Variants in KCNK2 observed in about 807,000 individuals in gnomAD.
The protein encoded by KCNK2 is potassium two pore domain channel subfamily K member 2.
In KCNK2, 21 loss-of-function variants were observed where a neutral mutation model predicts 40.5. The ratio of observed to expected loss-of-function variants is 0.52; its 90% confidence interval spans 0.37 to 0.75. KCNK2 has a LOEUF of 0.75. KCNK2 is among the 30% of genes least tolerant of loss of function. The probability of loss-of-function intolerance (pLI) is 0.00; values close to 1 mark genes in which losing one functional copy is unlikely to be tolerated. For synonymous variants in KCNK2, 191 were observed against 202.2 expected (o/e 0.94, Z 0.47); for missense variants, 399 against 531.6 (o/e 0.75, Z 2.45).
intron 6 of KCNK2, among the ~76,000 whole-genome samples, chr1:215,214,393 G>T (rs966224724): frequency 6.6e-6 from 1 of 152,060 alleles, no homozygotes; most frequent in Non-Finnish European, 1.5e-5. Flanking sequence ...CTCCCACCAG[G>T]TCCCACCACC....
chr1:215,021,541 T>TG (rs1656788062), intron 1 of KCNK2, among the ~76,000 whole-genome samples: 1 of 36,504 alleles, frequency 2.7e-5, no homozygotes, highest in African/African-American at 7.5e-5. Flanking sequence ...AACCATCTTT[T>TG]TTTTTTTTTT....
chr1:215,090,952 A>G (rs527450276), intron 2 of KCNK2, among the ~76,000 whole-genome samples: 6 of 152,234 alleles, frequency 3.9e-5, no homozygotes, highest in South Asian at 2.1e-4. Context: ...GTTTACCTCA[A>G]TGGTGGGTGT....
intron 1 of KCNK2, among the ~76,000 whole-genome samples, chr1:215,032,301 T>G (rs2102486509): frequency 6.6e-6 from 1 of 152,112 alleles, no homozygotes; most frequent in East Asian, 1.9e-4. Context: ...TCCCAGCTAC[T>G]AGGAAGGCTG....
At chr1:215,028,789 C>G (rs1031842565) in intron 1 of KCNK2, among the ~76,000 whole-genome samples, 2 of 152,192 alleles carry the variant, frequency 1.3e-5, no homozygotes, top group South Asian at 2.1e-4. Context: ...CACTCATGAC[C>G]TTTTCTAGGA....
chr1:215,079,386 A>G (rs1571888247), upstream of KCNK2, among the ~76,000 whole-genome samples: 2 of 152,180 alleles, frequency 1.3e-5, no homozygotes, highest in Non-Finnish European at 2.9e-5. Context: ...TCATGGCAGG[A>G]GGTGAAGGGG....
chr1:215,113,063 A>G (rs1660766926), intron 2 of KCNK2, among the ~76,000 whole-genome samples: 3 of 152,174 alleles, frequency 2.0e-5, no homozygotes, highest in African/African-American at 7.2e-5. Context: ...ACTACAAATG[A>G]TTCTTGAGTA....
chr1:215,078,614 C>T (rs1288806070), upstream of KCNK2, among the ~76,000 whole-genome samples: 2 of 152,118 alleles, frequency 1.3e-5, no homozygotes, highest in Middle Eastern at 6.3e-3. Flanking sequence ...CATTTACCTC[C>T]ACCTGTTCCC....
chr1:215,024,784 C>T (rs558141527), intron 1 of KCNK2, among the ~76,000 whole-genome samples: 8 of 152,164 alleles, frequency 5.3e-5, no homozygotes, highest in South Asian at 4.2e-4. Flanking sequence ...CATGTTTTAG[C>T]GGTATATAAA....
intron 1 of KCNK2, among the ~76,000 whole-genome samples, chr1:215,023,093 T>G (rs1656865484): frequency 6.6e-6 from 1 of 152,236 alleles, no homozygotes; most frequent in African/African-American, 2.4e-5. Context: ...TAGGTGGCCC[T>G]GAAATATGAG....
intron 3 of KCNK2, among the ~76,000 whole-genome samples, chr1:215,146,949 G>A (rs967983320): frequency 1.6e-4 from 24 of 152,118 alleles, no homozygotes; most frequent in Admixed American, 1.2e-3. Context: ...GAGATTGTGA[G>A]CATTCAAGAA....
intron 3 of KCNK2, among the ~76,000 whole-genome samples, chr1:215,147,711 T>G (rs986320459): frequency 6.6e-6 from 1 of 152,158 alleles, no homozygotes; most frequent in African/African-American, 2.4e-5. Context: ...GGCAGGTGCC[T>G]GTAATCTGAG....
intron 1 of KCNK2, among the ~76,000 whole-genome samples, chr1:215,077,646 C>T (rs970380264): frequency 6.6e-6 from 1 of 151,952 alleles, no homozygotes; most frequent in Non-Finnish European, 1.5e-5. Flanking sequence ...CTACCTGCCT[C>T]TTCAGCTTGA....
intron 6 of KCNK2, among the ~76,000 whole-genome samples, chr1:215,230,586 AATATATAT>A (rs67678689): frequency 2.9e-4 from 35 of 122,722 alleles, no homozygotes; most frequent in East Asian, 9.0e-4. Context: ...ACAAGACCGT[AATATATAT>A]ATATATATAT....
At chr1:215,121,386 A>G (rs1003784555) in intron 2 of KCNK2, among the ~76,000 whole-genome samples, 4 of 152,082 alleles carry the variant, frequency 2.6e-5, no homozygotes, top group Admixed American at 6.6e-5. Flanking sequence ...GGCTCAAGCA[A>G]TTCTCCCACC....
chr1:215,006,464 G>A (rs1656131837), intron 1 of KCNK2, among the ~76,000 whole-genome samples: 1 of 152,130 alleles, frequency 6.6e-6, no homozygotes, highest in Non-Finnish European at 1.5e-5. Flanking sequence ...AGGTACGATA[G>A]TTTAAACTAA....
At chr1:215,085,961 C>T (rs960457643) in intron 1 of KCNK2, among the ~76,000 whole-genome samples, 1 of 152,170 alleles carries the variant, frequency 6.6e-6, no homozygotes, top group Admixed American at 6.5e-5. Context: ...ACGAGAATAA[C>T]CATGAGCCGT....
At chr1:215,045,076 C>CCT (rs1423893448) in intron 1 of KCNK2, among the ~76,000 whole-genome samples, 2 of 151,926 alleles carry the variant, frequency 1.3e-5, no homozygotes, top group African/African-American at 4.8e-5. Context: ...CCAGCTTACT[C>CCT]CTGAGGCTGA....
intron 1 of KCNK2, among the ~76,000 whole-genome samples, chr1:215,047,563 A>G (rs896499763): frequency 1.3e-5 from 2 of 152,128 alleles, no homozygotes; most frequent in African/African-American, 4.8e-5. Context: ...TTAAGATTCT[A>G]TGATGATAGA....
intron 3 of KCNK2, among the ~76,000 whole-genome samples, chr1:215,141,308 C>T (rs753778473): frequency 6.6e-6 from 1 of 152,126 alleles, no homozygotes; most frequent in East Asian, 1.9e-4. Flanking sequence ...GTTTTATGTA[C>T]TGTACATAAT....
Sources: gnomAD v4.1 joint callset for allele counts (sites outside exome capture counted in the v4.1 genomes callset) on GRCh38, gnomAD v4.1.1 for gene constraint, MANE v1.5 for transcripts, NCBI Gene and HGNC (gene_info 2026-07-23, HGNC 2026-07-21) for gene names.